ITGB5: variants seen among roughly 807,000 people sequenced by gnomAD.
The protein encoded by ITGB5 is integrin subunit beta 5.
ITGB5 carries 38 observed loss-of-function variants against 84.8 expected under a neutral mutation model. The observed-to-expected ratio is 0.45, with a 90% CI of 0.35 to 0.59. The LOEUF (loss-of-function observed/expected upper bound fraction) is 0.59. Ranked by LOEUF, ITGB5 falls within the 20% of genes least tolerant of loss-of-function variation. The pLI is 0.01. For missense variants in ITGB5, 905 were observed against 1,034.5 expected (o/e 0.87, Z 1.72); for synonymous variants, 393 against 414.4 (o/e 0.95, Z 0.63).
intron 4 of ITGB5, among the ~76,000 whole-genome samples, chr3:124,842,602 G>A (rs1488461284): frequency 6.6e-6 from 1 of 152,206 alleles, no homozygotes; most frequent in African/African-American, 2.4e-5. Flanking sequence ...AGGAGCCTGG[G>A]AGGCAGGCTG....
chr3:124,813,408 T>C (rs1326335439), intron 8 of ITGB5, among the ~76,000 whole-genome samples: 2 of 152,158 alleles, frequency 1.3e-5, no homozygotes, highest in East Asian at 3.9e-4. Flanking sequence ...TACCTGGACA[T>C]AGTGTCAGGT....
intron 5 of ITGB5, among the ~76,000 whole-genome samples, chr3:124,831,444 G>T (rs1287527659): frequency 6.6e-6 from 1 of 152,152 alleles, no homozygotes; most frequent in East Asian, 1.9e-4. Context: ...AATGGACAAT[G>T]GCAGAGCATG....
intron 1 of ITGB5, among the ~76,000 whole-genome samples, chr3:124,885,460 A>C (rs1934760863): frequency 6.6e-6 from 1 of 152,180 alleles, no homozygotes; most frequent in South Asian, 2.1e-4. Context: ...GGGGAGCTTA[A>C]CATAGGGTTG....
chr3:124,800,867 G>C (rs780423527), intron 9 of ITGB5, among the ~76,000 whole-genome samples: 6 of 152,168 alleles, frequency 3.9e-5, no homozygotes, highest in Non-Finnish European at 8.8e-5. Flanking sequence ...CCAGTTCCTG[G>C]ACACTTTCCA....
chr3:124,808,647 G>C (rs1375848996), intron 9 of ITGB5, among the ~76,000 whole-genome samples: 1 of 152,166 alleles, frequency 6.6e-6, no homozygotes, highest in African/African-American at 2.4e-5. Flanking sequence ...GATTATCCAA[G>C]GAACAGAGCT....
At chr3:124,881,742 C>G (rs1401040962) in intron 1 of ITGB5, among the ~76,000 whole-genome samples, 1 of 151,942 alleles carries the variant, frequency 6.6e-6, no homozygotes, top group African/African-American at 2.4e-5. Context: ...CCAAGGTGGG[C>G]AGATCACCTG....
At chr3:124,798,362 T>C (rs184056232) in intron 9 of ITGB5, among the ~76,000 whole-genome samples, 1 of 152,134 alleles carries the variant, frequency 6.6e-6, no homozygotes, top group Non-Finnish European at 1.5e-5. Context: ...TTAAAGCTAA[T>C]TTTTAAAATG....
chr3:124,877,035 A>G (rs995934732), intron 1 of ITGB5, among the ~76,000 whole-genome samples: 13 of 151,346 alleles, frequency 8.6e-5, no homozygotes, highest in Admixed American at 1.3e-4. Context: ...CAGTAGTGTG[A>G]TCATAACTCA....
intron 9 of ITGB5, among the ~76,000 whole-genome samples, chr3:124,807,830 T>C (rs1320143889): frequency 2.0e-5 from 3 of 151,158 alleles, no homozygotes; most frequent in Non-Finnish European, 4.4e-5. Flanking sequence ...TAGTCCCAGC[T>C]ACTCAGGAGG....
intron 11 of ITGB5, among the ~76,000 whole-genome samples, chr3:124,771,748 CAAAAAAAAA>C (rs59189728): frequency 2.3e-4 from 16 of 69,158 alleles, no homozygotes; most frequent in Non-Finnish European, 4.6e-4. Flanking sequence ...GACCCTGTCT[CAAAAAAAAA>C]AAAAAAAAAA....
At chr3:124,880,780 T>C (rs1415692225) in intron 1 of ITGB5, among the ~76,000 whole-genome samples, 1 of 151,354 alleles carries the variant, frequency 6.6e-6, no homozygotes, top group African/African-American at 2.4e-5. Context: ...ATACAAAAAA[T>C]TAGCCAGGCA....
intron 1 of ITGB5, among the ~76,000 whole-genome samples, chr3:124,885,518 G>T (rs1454889232): frequency 6.6e-6 from 1 of 152,138 alleles, no homozygotes; most frequent in African/African-American, 2.4e-5. Context: ...ATATTATTAA[G>T]AAGTATTAAA....
At chr3:124,849,812 G>C (rs978242640) in intron 3 of ITGB5, among the ~76,000 whole-genome samples, 2 of 126,098 alleles carry the variant, frequency 1.6e-5, no homozygotes, top group Non-Finnish European at 3.7e-5. Context: ...CCACGATAAT[G>C]ATCTTGAAAT....
Position 124,769,032 on chromosome 3 carries a change from G to A in ITGB5, c.1998C>T (p.Ile666=), listed in dbSNP as rs913041927. Residue 666 remains isoleucine (I), a synonymous_variant, in exon 12 of 15, where the codon ATC becomes ATT. Coordinates refer to ENST00000296181, the MANE Select transcript of ITGB5 (RefSeq NM_002213.5). ...TCHSLCRDEV[I]TWVDTIVKDD... ...ACTCACCGATGGTGTCCACCCATGT[G>A]ATCACCTCATCCCTGCATAGGCTGT... is the stretch of plus-strand genomic sequence containing the variant. The A allele has an allele frequency of 1.2e-6, 2 of 1,613,618 alleles. No homozygotes were observed. The highest frequency in any genetic ancestry group is 2.2e-5 in the South Asian group (2 of 91,044).
chr3:124,883,657 G>T (rs1416052459), intron 1 of ITGB5, among the ~76,000 whole-genome samples: 1 of 152,174 alleles, frequency 6.6e-6, no homozygotes, highest in Non-Finnish European at 1.5e-5. Flanking sequence ...GCTTTCTTAG[G>T]ATGTGCAGAG....
chr3:124,816,522 C>A (rs1308130214), intron 8 of ITGB5, among the ~76,000 whole-genome samples: 1 of 152,168 alleles, frequency 6.6e-6, no homozygotes, highest in Non-Finnish European at 1.5e-5. Context: ...CTCTGAATGC[C>A]AATTTAGAAA....
intron 8 of ITGB5, among the ~76,000 whole-genome samples, chr3:124,810,908 T>TCTTCTTTCTTTCTTTCTTTCTTTC (rs1553759104): frequency 9.3e-5 from 14 of 149,952 alleles, no homozygotes; most frequent in African/African-American, 3.5e-4. Flanking sequence ...CTCTTGTGGG[T>TCTTCTTTCTTTCTTTCTTTCTTTC]TTTCTTTCTT....
At position 124,764,401 on chromosome 3, in the gene ITGB5, C is replaced by T. The variant is rs773181407; in HGVS notation, c.2294G>A (p.Arg765His). ...AKFQSERSRA[R>H]YEMASNPLYR... is the part of the protein sequence containing the mutation. ...TTCCCACGTGCTTACCATTTCATAG[C>T]GGGCCCTGGATCGCTCGCTCTGAAA... Residue 765 changes from arginine (R) to histidine (H), a missense_variant, in exon 14 of 15, where the codon CGC becomes CAC. Around this residue, in one of 3 missense-constraint regions of ITGB5, gnomAD observed 133 missense variants for 122.8 expected, o/e 1.08. Transcript: ENST00000296181. 18 of 1,605,686 alleles carry T rather than the reference C, an allele frequency of 1.1e-5. No individual in the cohort carries two copies. The highest frequency in any genetic ancestry group is 3.3e-4 in the Middle Eastern group (2 of 6,054).
At chr3:124,831,992 T>G (rs1409188155) in intron 5 of ITGB5, among the ~76,000 whole-genome samples, 1 of 152,226 alleles carries the variant, frequency 6.6e-6, no homozygotes, top group Non-Finnish European at 1.5e-5. Flanking sequence ...GATAAGCATT[T>G]CACATATCCA....
Sources: gnomAD v4.1 joint callset for allele counts (sites outside exome capture counted in the v4.1 genomes callset) on GRCh38, gnomAD v4.1.1 for gene constraint, gnomAD v4.1.1 regional missense constraint, MANE v1.5 for transcripts, NCBI Gene and HGNC (gene_info 2026-07-23, HGNC 2026-07-21) for gene names.